Variants in NELL1 observed in about 807,000 individuals in gnomAD.
NELL1 encodes neural EGFL like 1, also known as protein kinase C-binding protein NELL1.
In NELL1, 76 loss-of-function variants were observed where a neutral mutation model predicts 107.4. That is an observed-to-expected ratio of 0.71 (90% confidence interval 0.59 to 0.86). The LOEUF (loss-of-function observed/expected upper bound fraction) is 0.86, where lower values mean the gene tolerates loss of function less well. NELL1 is among the 40% of genes least tolerant of loss of function. The pLI is 0.00. For missense variants in NELL1, 1,024 were observed against 1,005.5 expected (o/e 1.02, Z -0.25); for synonymous variants, 353 against 341.2 (o/e 1.03, Z -0.38).
chr11:21,187,397 TAAG>T (rs1856957179), intron 13 of NELL1, among the ~76,000 whole-genome samples: 1 of 151,806 alleles, frequency 6.6e-6, no homozygotes, highest in Non-Finnish European at 1.5e-5. Context: ...AGGTAATTGC[TAAG>T]AAGATGAGAT....
At chr11:21,383,996 A>T (rs535427844) in intron 15 of NELL1, 4 of 152,056 alleles carry the variant, frequency 2.6e-5, no homozygotes, top group African/African-American at 7.2e-5. Context: ...TCTTGAAATC[A>T]TCTGTGATTT....
At chr11:20,811,752 T>C (rs1238941096) in intron 3 of NELL1, among the ~76,000 whole-genome samples, 1 of 152,138 alleles carries the variant, frequency 6.6e-6, no homozygotes, top group Non-Finnish European at 1.5e-5. Flanking sequence ...TATTGGCATA[T>C]GGAAGTGTTA....
chr11:21,374,597 C>G (rs1425201313), intron 15 of NELL1, among the ~76,000 whole-genome samples: 1 of 152,016 alleles, frequency 6.6e-6, no homozygotes. Context: ...AGGAATGAGG[C>G]ACCACCTCTT....
At chr11:20,966,682 T>C (rs75512638) in intron 12 of NELL1, among the ~76,000 whole-genome samples, 4,122 of 152,052 alleles carry the variant, frequency 0.027, 179 homozygotes, top group African/African-American at 0.093. Flanking sequence ...TAACATGTCA[T>C]CTTCCTCCCA....
At chr11:21,236,182 T>C (rs755325335) in intron 14 of NELL1, among the ~76,000 whole-genome samples, 1 of 152,180 alleles carries the variant, frequency 6.6e-6, no homozygotes, top group African/African-American at 2.4e-5. Flanking sequence ...TCAAATCCCA[T>C]TTTTCCTTGA....
intron 4 of NELL1, among the ~76,000 whole-genome samples, chr11:20,879,512 C>T (rs752981587): frequency 1.1e-4 from 17 of 152,024 alleles, no homozygotes; most frequent in African/African-American, 2.9e-4. Context: ...TGCTTACTAC[C>T]GGACTGGGTG....
intron 15 of NELL1, chr11:21,383,915 T>C (rs1851675487): frequency 6.6e-6 from 1 of 151,884 alleles, no homozygotes; most frequent in African/African-American, 2.4e-5. Context: ...TAGACTCATA[T>C]TGCTTCTTCT....
chr11:20,866,280 A>T (rs1180426797), intron 4 of NELL1, among the ~76,000 whole-genome samples: 1 of 152,112 alleles, frequency 6.6e-6, no homozygotes, highest in Non-Finnish European at 1.5e-5. Flanking sequence ...CTGGCAGGAG[A>T]ACAGGACCTA....
chr11:21,182,156 G>A (rs573964287), intron 13 of NELL1, among the ~76,000 whole-genome samples: 2 of 151,924 alleles, frequency 1.3e-5, no homozygotes, highest in South Asian at 4.1e-4. Context: ...AGCTCCAGCT[G>A]GGCACGGTGG....
At chr11:21,422,255 C>CT (rs1284825676) in intron 15 of NELL1, among the ~76,000 whole-genome samples, 3 of 152,002 alleles carry the variant, frequency 2.0e-5, no homozygotes, top group African/African-American at 7.2e-5. Flanking sequence ...TAAAAATATA[C>CT]TAGAATGTAA....
chr11:20,707,027 T>C (rs1253685185), intron 2 of NELL1, among the ~76,000 whole-genome samples: 1 of 152,250 alleles, frequency 6.6e-6, no homozygotes, highest in Non-Finnish European at 1.5e-5. Context: ...CTTGGTCTTT[T>C]CACATAGTCC....
chr11:20,721,106 G>T (rs1235625072), intron 2 of NELL1, among the ~76,000 whole-genome samples: 1 of 149,598 alleles, frequency 6.7e-6, no homozygotes, highest in Non-Finnish European at 1.5e-5. Context: ...AATCAGTCTA[G>T]CTTCCAACAA....
Position 21,269,364 on chromosome 11 carries a change from T to C in NELL1, c.1549+39910T>C, listed in dbSNP as rs1281411074. Among the ~76,000 whole-genome samples, 3 of 151,592 alleles carry C rather than the reference T, an allele frequency of 2.0e-5. No homozygotes were observed. The East Asian group carries it at 5.8e-4, about 29-fold the overall frequency. ...ATTGCCAAATCCCTCTCTCTCTCTC[T>C]CTCTCTCTCTCTCACACACACACAC... On this transcript the variant is annotated intron_variant, in intron 14 of 19. Coordinates refer to ENST00000357134, the MANE Select transcript of NELL1 (RefSeq NM_006157.5).
chr11:21,082,119 T>A (rs1230093888), intron 12 of NELL1, among the ~76,000 whole-genome samples: 1 of 152,134 alleles, frequency 6.6e-6, no homozygotes, highest in African/African-American at 2.4e-5. Flanking sequence ...TTCTTTACAA[T>A]GGCGATCATT....
chr11:20,931,332 A>C (rs1850613847), intron 9 of NELL1, among the ~76,000 whole-genome samples: 2 of 152,206 alleles, frequency 1.3e-5, no homozygotes, highest in Non-Finnish European at 2.9e-5. Context: ...GGGGTGGAGA[A>C]GAAGAGAATG....
At chr11:20,951,004 G>A (rs1236033130) in intron 11 of NELL1, among the ~76,000 whole-genome samples, 1 of 152,184 alleles carries the variant, frequency 6.6e-6, no homozygotes, top group Non-Finnish European at 1.5e-5. Flanking sequence ...TTCCTCAGAA[G>A]TCTAAGTCAA....
chr11:21,336,191 T>A (rs1311422398), intron 14 of NELL1, among the ~76,000 whole-genome samples: 1 of 152,042 alleles, frequency 6.6e-6, no homozygotes, highest in African/African-American at 2.4e-5. Context: ...AACCTTTTTA[T>A]GTATATATGA....
At chr11:21,000,140 T>G (rs931592442) in intron 12 of NELL1, among the ~76,000 whole-genome samples, 2 of 152,174 alleles carry the variant, frequency 1.3e-5, no homozygotes, top group African/African-American at 4.8e-5. Flanking sequence ...ACTTTTCTAC[T>G]TAGCTGACAT....
chr11:21,405,382 GA>G (rs1264388020), intron 15 of NELL1, among the ~76,000 whole-genome samples: 4 of 104,408 alleles, frequency 3.8e-5, no homozygotes, highest in South Asian at 3.2e-4. Flanking sequence ...GTTGTAAAAA[GA>G]AACAGGATTC....
Sources: allele counts gnomAD v4.1 joint callset (sites outside exome capture counted in the v4.1 genomes callset), GRCh38; gene constraint gnomAD v4.1.1; transcripts MANE v1.5; gene names NCBI Gene and HGNC (gene_info 2026-07-23, HGNC 2026-07-21).